The following PALM2AKAP2 variants were observed in gnomAD, a reference collection of about 807,000 sequenced individuals.
PALM2AKAP2 encodes PALM2 and AKAP2 fusion.
Under a neutral mutation model 71.5 loss-of-function variants are expected in PALM2AKAP2, and 37 were observed. The observed-to-expected ratio is 0.52, with a 90% CI of 0.40 to 0.68. The LOEUF (loss-of-function observed/expected upper bound fraction) is 0.68. Ranked by LOEUF, PALM2AKAP2 falls within the 30% of genes least tolerant of loss-of-function variation. The probability of loss-of-function intolerance (pLI) is 0.00; values close to 1 mark genes in which losing one functional copy is unlikely to be tolerated. For missense variants in PALM2AKAP2, 1,224 were observed against 1,191.8 expected, an observed-to-expected ratio of 1.03 and a Z score of -0.40; for synonymous variants, 468 against 478.8, an observed-to-expected ratio of 0.98 and a Z score of 0.29.
At chr9:110,123,351 T>C (rs1399908672) in intron 1 of PALM2AKAP2, among the ~76,000 whole-genome samples, 9 of 152,280 alleles carry the variant, frequency 5.9e-5, no homozygotes, top group African/African-American at 2.2e-4. Context: ...TCCAGGCCCC[T>C]CTCCTTGGCT....
chr9:109,839,441 C>A (rs560397084), intron 1 of PALM2AKAP2, among the ~76,000 whole-genome samples: 116 of 152,248 alleles, frequency 7.6e-4, no homozygotes, highest in African/African-American at 2.7e-3. Context: ...ACTGAATGGG[C>A]AAAAACTGGA....
intron 6 of PALM2AKAP2, among the ~76,000 whole-genome samples, chr9:110,000,529 A>G (rs987930251): frequency 3.3e-5 from 5 of 152,188 alleles, no homozygotes; most frequent in African/African-American, 4.8e-5. Context: ...TACATACCCA[A>G]TAATGGGATG....
At chr9:110,069,576 A>G (rs561273022) in intron 1 of PALM2AKAP2, among the ~76,000 whole-genome samples, 1 of 152,212 alleles carries the variant, frequency 6.6e-6, no homozygotes, top group Non-Finnish European at 1.5e-5. Context: ...CAGGGGTGTA[A>G]ATTTCTAGAC....
At chr9:109,910,597 A>G (rs12115781) in intron 3 of PALM2AKAP2, among the ~76,000 whole-genome samples, 1 of 152,098 alleles carries the variant, frequency 6.6e-6, no homozygotes, top group African/African-American at 2.4e-5. Flanking sequence ...TTTAAAAACG[A>G]AGAAGTCAAA....
At chr9:109,705,430 C>T (rs1266958331) in intron 1 of PALM2AKAP2, among the ~76,000 whole-genome samples, 2 of 152,196 alleles carry the variant, frequency 1.3e-5, no homozygotes, top group East Asian at 3.9e-4. Context: ...CTTGGATGAC[C>T]TGGCACCATC....
At chr9:110,160,447 G>A (rs1836568387) in intron 3 of PALM2AKAP2, among the ~76,000 whole-genome samples, 1 of 152,196 alleles carries the variant, frequency 6.6e-6, no homozygotes, top group Admixed American at 6.5e-5. Context: ...GCCTTGCAAA[G>A]CGACTGCCTC....
intron 6 of PALM2AKAP2, among the ~76,000 whole-genome samples, chr9:109,991,778 G>T (rs1832487967): frequency 2.0e-5 from 3 of 152,130 alleles, no homozygotes. Flanking sequence ...ACACCAGGAT[G>T]GTGAATGACC....
intron 1 of PALM2AKAP2, among the ~76,000 whole-genome samples, chr9:109,822,638 G>T (rs934696610): frequency 6.6e-6 from 1 of 152,012 alleles, no homozygotes; most frequent in Non-Finnish European, 1.5e-5. Context: ...TTGGTTTTTG[G>T]TTCCTGTGTT....
chr9:109,835,718 C>T (rs1442317679), intron 1 of PALM2AKAP2, among the ~76,000 whole-genome samples: 2 of 152,190 alleles, frequency 1.3e-5, no homozygotes, highest in East Asian at 1.9e-4. Flanking sequence ...GCAAAAGGCA[C>T]ACCAGGAGAT....
At chr9:109,749,729 G>A (rs149198474) in intron 1 of PALM2AKAP2, among the ~76,000 whole-genome samples, 1 of 152,164 alleles carries the variant, frequency 6.6e-6, no homozygotes. Context: ...TAATTTGACA[G>A]ACATTTGCCA....
At position 109,861,033 on chromosome 9, in the gene PALM2AKAP2, T is replaced by C. The variant is rs527444830; in HGVS notation, c.46-6458T>C. On this transcript the variant is annotated intron_variant, in intron 1 of 9. Coordinates refer to the PALM2AKAP2 transcript ENST00000302798. Reference sequence around the variant, plus strand: ...TTGTCTAAATTCTGTGATCTCATGATGGCAAGAGGGCCTTGAGTAGGTCTT... The same window carrying C: ...TTGTCTAAATTCTGTGATCTCATGACGGCAAGAGGGCCTTGAGTAGGTCTT... Among the ~76,000 whole-genome samples the C allele has an allele frequency of 2.6e-5, 4 of 152,382 alleles. No homozygotes were observed. In the South Asian group the frequency reaches 8.3e-4, roughly 32 times the overall value.
chr9:109,787,745 T>C (rs866106090), intron 1 of PALM2AKAP2, among the ~76,000 whole-genome samples: 1 of 152,184 alleles, frequency 6.6e-6, no homozygotes, highest in Non-Finnish European at 1.5e-5. Context: ...GATCTCCCAC[T>C]TAAAAAAGAA....
At chr9:109,835,610 CA>C (rs1385423743) in intron 1 of PALM2AKAP2, among the ~76,000 whole-genome samples, 1 of 152,128 alleles carries the variant, frequency 6.6e-6, no homozygotes, top group Admixed American at 6.5e-5. Flanking sequence ...CGCAAGGGGT[CA>C]GGGAATTCCC....
At chr9:110,035,408 A>ATATT (rs1833375033) in intron 7 of PALM2AKAP2, among the ~76,000 whole-genome samples, 2 of 78,164 alleles carry the variant, frequency 2.6e-5, no homozygotes, top group Non-Finnish European at 4.8e-5. Flanking sequence ...ATACGTATAT[A>ATATT]ATATGTATAA....
upstream of PALM2AKAP2, among the ~76,000 whole-genome samples, chr9:109,776,127 C>A (rs192277583): frequency 2.0e-4 from 31 of 152,224 alleles, no homozygotes; most frequent in East Asian, 5.6e-3. Context: ...TTTCTTAATA[C>A]CAGGCCATGG....
rs144145118 is a variant in PALM2AKAP2 at position 109,651,988 on chromosome 9, A to G, written c.5+11122A>G. 2.6e-3 allele frequency among the ~76,000 whole-genome samples: 390 copies of G among 152,264 alleles called. 1 individual carries two copies. Among genetic ancestry groups the G allele is most frequent in the African/African-American group, 8.8e-3 (365 of 41,554 alleles). ...TGATGTGCTATTTAAAAATGTGATA[A>G]TTTAACCTATTAATAGTACATAAAT... On this transcript the variant is annotated intron_variant, in intron 1 of 6. Coordinates refer to the PALM2AKAP2 transcript ENST00000374531.
At chr9:110,054,221 G>C (rs1833781496) in intron 1 of PALM2AKAP2, among the ~76,000 whole-genome samples, 1 of 152,220 alleles carries the variant, frequency 6.6e-6, no homozygotes, top group South Asian at 2.1e-4. Flanking sequence ...CCAACATGGA[G>C]AAACCCGGTC....
chr9:109,772,230 G>A (rs956580319), intron 1 of PALM2AKAP2, among the ~76,000 whole-genome samples: 2 of 152,210 alleles, frequency 1.3e-5, no homozygotes, highest in Non-Finnish European at 2.9e-5. Context: ...AGTCTGCACA[G>A]AGTCCTCACA....
intron 7 of PALM2AKAP2, among the ~76,000 whole-genome samples, chr9:110,025,797 A>G (rs1249063827): frequency 3.3e-5 from 5 of 152,148 alleles, no homozygotes; most frequent in Non-Finnish European, 2.9e-5. Flanking sequence ...AACGACACTG[A>G]GTTATTTTCA....
Sources: allele counts gnomAD v4.1 joint callset (sites outside exome capture counted in the v4.1 genomes callset), GRCh38; gene constraint gnomAD v4.1.1; transcripts MANE v1.5; gene names NCBI Gene and HGNC (gene_info 2026-07-23, HGNC 2026-07-21).